PDE4D: variants seen among roughly 807,000 people sequenced by gnomAD.
PDE4D encodes phosphodiesterase 4D.
A neutral mutation model predicts 87.4 loss-of-function variants in PDE4D; 24 were observed. That is an observed-to-expected ratio of 0.27 (90% CI 0.20 to 0.39). The LOEUF (loss-of-function observed/expected upper bound fraction) is 0.39. Among genes scored for constraint, PDE4D ranks in the 10% least tolerant of loss-of-function variants. The pLI, the probability that PDE4D is intolerant of heterozygous loss-of-function variation, is 1.00. For synonymous variants in PDE4D, 384 were observed against 383.2 expected (o/e 1.00, Z -0.02); for missense variants, 714 against 1,041.0 (o/e 0.69, Z 4.32).
intron 1 of PDE4D, among the ~76,000 whole-genome samples, chr5:60,388,079 G>T (rs1463396007): frequency 6.6e-6 from 1 of 152,098 alleles, no homozygotes; most frequent in Non-Finnish European, 1.5e-5. Context: ...GTAGGGTGAG[G>T]TATGAGGGAA....
chr5:59,046,294 G>A (rs140080120), intron 5 of PDE4D, among the ~76,000 whole-genome samples: 21 of 152,204 alleles, frequency 1.4e-4, no homozygotes, highest in African/African-American at 4.1e-4. Context: ...GTGTGTAAGC[G>A]CATGAGAGAG....
intron 1 of PDE4D, among the ~76,000 whole-genome samples, chr5:59,456,458 C>T (rs1351345510): frequency 6.6e-6 from 1 of 152,102 alleles, no homozygotes; most frequent in African/African-American, 2.4e-5. Context: ...GAGCTGAGTC[C>T]ATTAAACCTC....
intron 1 of PDE4D, among the ~76,000 whole-genome samples, chr5:60,198,473 C>A (rs1251951595): frequency 6.6e-6 from 1 of 151,430 alleles, no homozygotes; most frequent in Non-Finnish European, 1.5e-5. Context: ...ATTTTATGGC[C>A]ATGAGAAACT....
chr5:59,285,573 G>A (rs1441843187), intron 1 of PDE4D, among the ~76,000 whole-genome samples: 2 of 152,042 alleles, frequency 1.3e-5, no homozygotes, highest in Non-Finnish European at 2.9e-5. Context: ...AAATACACTG[G>A]AAGAAGTCTT....
At chr5:60,147,850 T>C (rs1430372456) in intron 2 of PDE4D, 16 of 451,324 alleles carry the variant, frequency 3.5e-5, no homozygotes, top group African/African-American at 8.0e-5. Context: ...TCTTTGTGAG[T>C]TGACAGCTAG....
At chr5:59,888,423 T>C (rs1750475931) in intron 1 of PDE4D, among the ~76,000 whole-genome samples, 1 of 152,228 alleles carries the variant, frequency 6.6e-6, no homozygotes, top group Non-Finnish European at 1.5e-5. Context: ...TAAATGAAGT[T>C]ACCAAGACAA....
At chr5:59,869,719 G>A (rs75971840) in intron 1 of PDE4D, among the ~76,000 whole-genome samples, 1 of 152,222 alleles carries the variant, frequency 6.6e-6, no homozygotes, top group African/African-American at 2.4e-5. Context: ...ACCTCAATCA[G>A]CAAAGTGGAA....
At chr5:59,066,086 C>T (rs998019631) in intron 5 of PDE4D, among the ~76,000 whole-genome samples, 2 of 152,054 alleles carry the variant, frequency 1.3e-5, no homozygotes, top group African/African-American at 4.8e-5. Flanking sequence ...TAAAAGAAAA[C>T]CTATCAATTC....
At chr5:59,594,102 T>C (rs1051416547) in intron 1 of PDE4D, among the ~76,000 whole-genome samples, 1 of 150,480 alleles carries the variant, frequency 6.6e-6, no homozygotes, top group Non-Finnish European at 1.5e-5. Flanking sequence ...AGAAAGGAAA[T>C]ACTCAATTCC....
chr5:59,586,856 T>C (rs1400163921), intron 1 of PDE4D: 1 of 985,362 alleles, frequency 1.0e-6, no homozygotes, highest in East Asian at 1.1e-4. Flanking sequence ...TGCTGTCCTT[T>C]AGAAATGAAT....
intron 1 of PDE4D, among the ~76,000 whole-genome samples, chr5:59,281,732 C>T (rs931505452): frequency 6.6e-6 from 1 of 152,112 alleles, no homozygotes; most frequent in Non-Finnish European, 1.5e-5. Context: ...CCTCTTCTCC[C>T]AGCCCCTGAC....
At chr5:60,194,580 T>A (rs1279671922) in intron 1 of PDE4D, among the ~76,000 whole-genome samples, 1 of 151,714 alleles carries the variant, frequency 6.6e-6, no homozygotes, top group Non-Finnish European at 1.5e-5. Flanking sequence ...AGGAATCTAC[T>A]TTTGACCAAT....
intron 1 of PDE4D, among the ~76,000 whole-genome samples, chr5:59,550,514 TATC>T (rs947233643): frequency 1.3e-5 from 2 of 152,186 alleles, no homozygotes; most frequent in Non-Finnish European, 2.9e-5. Context: ...CTGAATTTGT[TATC>T]ATCTAGTTTT....
intron 1 of PDE4D, among the ~76,000 whole-genome samples, chr5:59,879,766 A>G (rs1749160626): frequency 4.6e-5 from 7 of 152,198 alleles, no homozygotes; most frequent in Admixed American, 3.3e-4. Flanking sequence ...TTGAGACGAA[A>G]GTCTCGCTCT....
intron 1 of PDE4D, among the ~76,000 whole-genome samples, chr5:60,463,682 T>C (rs1747134127): frequency 6.6e-6 from 1 of 152,228 alleles, no homozygotes; most frequent in African/African-American, 2.4e-5. Flanking sequence ...TCATGCCCTC[T>C]TGCTGTTTTT....
At chr5:59,570,006 C>G (rs1344547543) in intron 1 of PDE4D, among the ~76,000 whole-genome samples, 1 of 152,170 alleles carries the variant, frequency 6.6e-6, no homozygotes, top group Non-Finnish European at 1.5e-5. Flanking sequence ...ATGGCAGACA[C>G]AAATACTACA....
chr5:59,453,671 A>G (rs1019661157), intron 1 of PDE4D, among the ~76,000 whole-genome samples: 4 of 152,198 alleles, frequency 2.6e-5, no homozygotes, highest in Non-Finnish European at 5.9e-5. Flanking sequence ...ATTGATAGAG[A>G]TGAGGAAGCT....
At chr5:59,974,246 T>C (rs1486258776) in intron 3 of PDE4D, among the ~76,000 whole-genome samples, 2 of 152,304 alleles carry the variant, frequency 1.3e-5, no homozygotes, top group East Asian at 1.9e-4. Context: ...AAGAAAGCAA[T>C]AGTGTTTAAT....
intron 1 of PDE4D, among the ~76,000 whole-genome samples, chr5:60,345,155 A>G (rs1758640718): frequency 6.6e-6 from 1 of 152,110 alleles, no homozygotes; most frequent in Non-Finnish European, 1.5e-5. Flanking sequence ...AGGGACATGG[A>G]TGAAGCTGGA....
Sources: allele counts gnomAD v4.1 joint callset (sites outside exome capture counted in the v4.1 genomes callset), GRCh38; gene constraint gnomAD v4.1.1; transcripts MANE v1.5; gene names NCBI Gene and HGNC (gene_info 2026-07-23, HGNC 2026-07-21).